DNMT3B: variants seen among roughly 807,000 people sequenced by gnomAD.
DNMT3B encodes DNA (cytosine-5)-methyltransferase 3B.
Under a neutral mutation model 120.2 loss-of-function variants are expected in DNMT3B, and 37 were observed. That is an observed-to-expected ratio of 0.31 (90% CI 0.24 to 0.40). The LOEUF is 0.40. Among genes scored for constraint, DNMT3B ranks in the 10% least tolerant of loss-of-function variants. The pLI, the probability that DNMT3B is intolerant of heterozygous loss-of-function variation, is 1.00. For missense variants in DNMT3B, 878 were observed against 1,137.3 expected, an observed-to-expected ratio of 0.77 and a Z score of 3.28; for synonymous variants, 412 against 442.8, an observed-to-expected ratio of 0.93 and a Z score of 0.87.
rs143448185 is a variant in DNMT3B at position 32,800,934 on chromosome 20, C to T, written c.1996+9C>T. The T allele has an allele frequency of 1.2e-3, 1,979 of 1,614,164 alleles. 5 individuals are homozygous for T. Among genetic ancestry groups the T allele is most frequent in the Middle Eastern group, 4.5e-3 (27 of 6,058 alleles). On this transcript the variant is annotated intron_variant, in intron 18 of 22. Transcript: ENST00000328111. ...CAGGAAAGGCCTGTATGGTGAGCATCCTTCTCTCTGGCAGTCCCTGGAGAG... is the reference window on the plus strand; with the variant it reads ...CAGGAAAGGCCTGTATGGTGAGCATTCTTCTCTCTGGCAGTCCCTGGAGAG...
At chr20:32,765,842 G>A (rs1356232224) in intron 1 of DNMT3B, among the ~76,000 whole-genome samples, 92 of 138,070 alleles carry the variant, frequency 6.7e-4, no homozygotes, top group African/African-American at 2.5e-3. Context: ...TGCAAGCTCC[G>A]CCCCTCGGGT....
chr20:32,789,846 G>A (rs1023444811), intron 7 of DNMT3B, among the ~76,000 whole-genome samples: 3 of 152,154 alleles, frequency 2.0e-5, no homozygotes, highest in Non-Finnish European at 2.9e-5. Context: ...CACCCGCCTC[G>A]GCCTCCCAGT....
rs557253099 is a variant in DNMT3B, at chr20:32,797,310, G to A, written c.1490+11G>A. On this transcript the variant is annotated intron_variant, in intron 14 of 22. Transcript: ENST00000328111. ...CACGAGCTGCTGCCGGTGAGCACTG[G>A]GCCCTGTGGGGTGGATGTGGGTGGG... 2 of 1,613,070 alleles carry A rather than the reference G, an allele frequency of 1.2e-6. No homozygotes were observed. Among genetic ancestry groups the A allele is most frequent in the African/African-American group, 2.7e-5 (2 of 75,058 alleles).
Position 32,777,963 on chromosome 20 carries a change from T to A in DNMT3B, c.-6-2355T>A, listed in dbSNP as rs80240059. 3.3e-3 allele frequency among the ~76,000 whole-genome samples: 508 copies of A among 152,338 alleles called. 2 individuals are homozygous for A. The highest frequency in any genetic ancestry group is 0.012 in the African/African-American group (492 of 41,572). ...CCTATGTGTTATGTATCAGCGCACATGTTTATAATCTGAACAATGCTGCTT... is the reference window on the plus strand; with the variant it reads ...CCTATGTGTTATGTATCAGCGCACAAGTTTATAATCTGAACAATGCTGCTT... On this transcript the variant is annotated intron_variant, in intron 1 of 22. Coordinates refer to ENST00000328111, the MANE Select transcript of DNMT3B (RefSeq NM_006892.4).
At chr20:32,801,665 G>A (rs376768024) in intron 19 of DNMT3B, among the ~76,000 whole-genome samples, 5 of 152,158 alleles carry the variant, frequency 3.3e-5, no homozygotes, top group African/African-American at 4.8e-5. Flanking sequence ...GCTCACTGGA[G>A]CCTCAAACAG....
chr20:32,803,783 T>C (rs747406916), intron 20 of DNMT3B, among the ~76,000 whole-genome samples: 7 of 152,116 alleles, frequency 4.6e-5, no homozygotes, highest in Non-Finnish European at 1.0e-4. Context: ...CAGAGCACCC[T>C]AGGTGGGGTG....
rs769183612 is a variant in DNMT3B, at chr20:32,797,319, G to A, written c.1490+20G>A. 6 of 1,609,798 alleles carry A rather than the reference G, an allele frequency of 3.7e-6. No individual in the cohort carries two copies. Among genetic ancestry groups the A allele is most frequent in the Non-Finnish European group, 5.1e-6 (6 of 1,176,776 alleles). ...CTGCCGGTGAGCACTGGGCCCTGTGGGGTGGATGTGGGTGGGCCCCCAAGG... is the reference window on the plus strand; with the variant it reads ...CTGCCGGTGAGCACTGGGCCCTGTGAGGTGGATGTGGGTGGGCCCCCAAGG... On this transcript the variant is annotated intron_variant, in intron 14 of 22. Transcript: ENST00000328111.
At chr20:32,765,659 G>A (rs1268110026) in intron 1 of DNMT3B, among the ~76,000 whole-genome samples, 1 of 150,614 alleles carries the variant, frequency 6.6e-6, no homozygotes, top group Admixed American at 6.6e-5. Flanking sequence ...GACCTCAAGT[G>A]ATTCACCCGC....
intron 10 of DNMT3B, 32 bp downstream of exon 10, chr20:32,793,627 G>A (rs1252448872): frequency 1.2e-6 from 2 of 1,608,950 alleles, no homozygotes; most frequent in African/African-American, 1.3e-5. Flanking sequence ...ACTGTGCCCT[G>A]TTTTCTATGC....
intron 1 of DNMT3B, among the ~76,000 whole-genome samples, chr20:32,768,534 C>T (rs1987526306): frequency 6.6e-6 from 1 of 151,922 alleles, no homozygotes; most frequent in Non-Finnish European, 1.5e-5. Context: ...GGTATGTTGC[C>T]CAGGCTGGTC....
chr20:32,779,881 A>G, intron 1 of DNMT3B: 1 of 608,858 alleles, frequency 1.6e-6, no homozygotes, highest in Non-Finnish European at 2.9e-6. Flanking sequence ...AGGGGTCAGG[A>G]GGGAAAATAA....
intron 20 of DNMT3B, among the ~76,000 whole-genome samples, chr20:32,802,732 G>A (rs1202805567): frequency 1.3e-5 from 2 of 152,192 alleles, no homozygotes; most frequent in African/African-American, 4.8e-5. Flanking sequence ...GGGTGTGGTG[G>A]CTCACGCCTG....
At chr20:32,764,091 T>C (rs59507494) in intron 1 of DNMT3B, among the ~76,000 whole-genome samples, 7,785 of 152,190 alleles carry the variant, frequency 0.051, 388 homozygotes, top group African/African-American at 0.14. Flanking sequence ...TGTTTGCCAT[T>C]GTTGGAATCA....
At chr20:32,763,625 G>C (rs1051257911) in intron 1 of DNMT3B, among the ~76,000 whole-genome samples, 5 of 152,144 alleles carry the variant, frequency 3.3e-5, no homozygotes, top group Non-Finnish European at 7.3e-5. Flanking sequence ...CCACTTTATC[G>C]GGGAGAAAGT....
At position 32,792,720 on chromosome 20, in the gene DNMT3B, G is replaced by T. The variant is rs754921958; in HGVS notation, c.1016G>T (p.Gly339Val). 1.9e-6 allele frequency: 3 copies of T among 1,614,104 alleles called. No individual in the cohort carries two copies. In the African/African-American group the frequency reaches 4.0e-5, roughly 22 times the overall value. The change falls in exon 9 of 23, where the codon GGC (glycine) becomes GTC (valine). Residue 339 changes from glycine (G) to valine (V), a missense_variant. Gly to Val is a moderately radical substitution (Grantham distance 109). Around this residue, in one of 4 missense-constraint regions of DNMT3B, gnomAD observed 207 missense variants for 222.6 expected, o/e 0.93. Coordinates refer to ENST00000328111, the MANE Select transcript of DNMT3B (RefSeq NM_006892.4). ...CCCATGTTGGAGTGGGCCCACGGGG[G>T]CTTCAAGCCCACTGGGATCGAGGGC... ...LKPMLEWAHG[G>V]FKPTGIEGLK...
intron 3 of DNMT3B, among the ~76,000 whole-genome samples, chr20:32,782,075 G>GAACAAATCT (rs566852355): frequency 1.3e-3 from 197 of 152,330 alleles, no homozygotes; most frequent in African/African-American, 4.7e-3. Flanking sequence ...TCTGTGGTAA[G>GAACAAATCT]AACAAATCTT....
chr20:32,793,853 CTGA>C (rs1348996834), intron 10 of DNMT3B, among the ~76,000 whole-genome samples: 1 of 152,088 alleles, frequency 6.6e-6, no homozygotes, highest in African/African-American at 2.4e-5. Context: ...TAAGCACTGT[CTGA>C]TGTCATTTTG....
At chr20:32,771,143 C>T (rs979483002) in intron 1 of DNMT3B, among the ~76,000 whole-genome samples, 30 of 152,166 alleles carry the variant, frequency 2.0e-4, no homozygotes, top group African/African-American at 6.3e-4. Context: ...TTTCTGGTTA[C>T]GATAGAAATA....
At position 32,780,338 on chromosome 20, in the gene DNMT3B, CA is replaced by C; in HGVS notation, c.16del (p.Arg6GlyfsTer59). ...CACAGGAAAGCATGAAGGGAGACAC[CA>C]GGCATCTCAATGGAGAGGAGGACGC... MKGDT[R>X]HLNGEEDAGG... On this transcript the variant is annotated frameshift_variant, in exon 2 of 23. Coordinates refer to ENST00000328111, the MANE Select transcript of DNMT3B (RefSeq NM_006892.4). LOFTEE classifies it high-confidence loss of function. 6.2e-7 allele frequency: 1 copy of C among 1,613,984 alleles called. No individual in the cohort carries two copies. The highest frequency in any genetic ancestry group is 8.5e-7 in the Non-Finnish European group (1 of 1,180,014).
Sources: allele counts gnomAD v4.1 joint callset (sites outside exome capture counted in the v4.1 genomes callset), GRCh38; gene constraint gnomAD v4.1.1; regional missense constraint gnomAD v4.1.1; transcripts MANE v1.5; gene names NCBI Gene and HGNC (gene_info 2026-07-23, HGNC 2026-07-21).